CDH12: variants seen among roughly 807,000 people sequenced by gnomAD.
CDH12 encodes the protein cadherin-12.
In CDH12, 41 loss-of-function variants were observed where a neutral mutation model predicts 74.1. The observed-to-expected ratio is 0.55, with a 90% confidence interval of 0.43 to 0.72. CDH12 has a LOEUF of 0.72. Ranked by LOEUF, CDH12 falls within the 30% of genes least tolerant of loss-of-function variation. CDH12 has a pLI of 0.00. For synonymous variants in CDH12, 399 were observed against 355.0 expected, an observed-to-expected ratio of 1.12 and a Z score of -1.39; for missense variants, 945 against 977.2, an observed-to-expected ratio of 0.97 and a Z score of 0.44.
At chr5:21,802,598 T>TTTTTC (rs897632535) in intron 9 of CDH12, among the ~76,000 whole-genome samples, 178 bp from the exon 10 acceptor site, 1 of 144,766 alleles carries the variant, frequency 6.9e-6, no homozygotes, top group African/African-American at 2.5e-5. Context: ...TTTTTCTTTT[T>TTTTTC]TTTTTTTTTT....
At chr5:21,809,092 A>T (rs988045531) in intron 9 of CDH12, among the ~76,000 whole-genome samples, 7 of 152,120 alleles carry the variant, frequency 4.6e-5, no homozygotes, top group Non-Finnish European at 8.8e-5. Context: ...AAAACTATTT[A>T]TTAGAAATGC....
chr5:22,232,181 G>A (rs971385756), intron 3 of CDH12, among the ~76,000 whole-genome samples: 8 of 151,610 alleles, frequency 5.3e-5, no homozygotes, highest in Non-Finnish European at 1.2e-4. Flanking sequence ...CGTGTGCTTA[G>A]TTTGTATTTA....
intron 3 of CDH12, among the ~76,000 whole-genome samples, chr5:22,259,019 G>C (rs1186125756): frequency 6.6e-6 from 1 of 151,614 alleles, no homozygotes; most frequent in Admixed American, 6.6e-5. Flanking sequence ...TATTTAATTA[G>C]AATGATAGTT....
chr5:22,214,220 C>T (rs953403155), intron 3 of CDH12, among the ~76,000 whole-genome samples: 52 of 152,104 alleles, frequency 3.4e-4, no homozygotes, highest in Non-Finnish European at 5.6e-4. Flanking sequence ...AAAACGGAGA[C>T]GGCCCTGCAG....
At chr5:22,088,209 G>T (rs1324858872) in intron 4 of CDH12, among the ~76,000 whole-genome samples, 1 of 152,156 alleles carries the variant, frequency 6.6e-6, no homozygotes, top group Non-Finnish European at 1.5e-5. Flanking sequence ...AAAGTCTCTA[G>T]AAATGGTCTT....
At chr5:22,270,641 C>CTA (rs987546400) in intron 3 of CDH12, among the ~76,000 whole-genome samples, 3 of 150,866 alleles carry the variant, frequency 2.0e-5, no homozygotes, top group African/African-American at 7.3e-5. Flanking sequence ...ACACACACAT[C>CTA]TATATATATA....
At chr5:22,271,847 T>C (rs1341025512) in intron 3 of CDH12, among the ~76,000 whole-genome samples, 1 of 152,160 alleles carries the variant, frequency 6.6e-6, no homozygotes, top group African/African-American at 2.4e-5. Context: ...TTAGGTGAAC[T>C]GTGTTATAAA....
At chr5:22,698,773 A>G (rs1165563730) in intron 1 of CDH12, among the ~76,000 whole-genome samples, 1 of 133,764 alleles carries the variant, frequency 7.5e-6, no homozygotes, top group African/African-American at 2.8e-5. Context: ...TGTGTGTGAA[A>G]GAGAAAGAGA....
intron 6 of CDH12, among the ~76,000 whole-genome samples, chr5:21,908,483 A>C (rs1490681973): frequency 2.0e-5 from 3 of 152,166 alleles, no homozygotes; most frequent in African/African-American, 4.8e-5. Context: ...ATTTGTCTTC[A>C]TTCTGGGGTT....
chr5:21,905,947 G>A (rs1163043133), intron 6 of CDH12, among the ~76,000 whole-genome samples: 1 of 152,088 alleles, frequency 6.6e-6, no homozygotes, highest in East Asian at 1.9e-4. Flanking sequence ...CTAGAACAAT[G>A]TCTGGTTAAT....
At chr5:21,959,251 A>C (rs1162811375) in intron 6 of CDH12, among the ~76,000 whole-genome samples, 2 of 152,188 alleles carry the variant, frequency 1.3e-5, no homozygotes, top group Non-Finnish European at 2.9e-5. Context: ...AATAGGGATA[A>C]TTTTACTTCC....
chr5:21,995,850 G>A (rs1283719176), intron 5 of CDH12, among the ~76,000 whole-genome samples: 1 of 151,866 alleles, frequency 6.6e-6, no homozygotes, highest in African/African-American at 2.4e-5. Flanking sequence ...TGTATTTTTA[G>A]TTTAAAACAG....
chr5:22,701,328 T>C (rs997151219), intron 1 of CDH12, among the ~76,000 whole-genome samples: 1 of 152,076 alleles, frequency 6.6e-6, no homozygotes, highest in Middle Eastern at 3.2e-3. Flanking sequence ...ACCTGAATTA[T>C]CCTAATGTTC....
intron 1 of CDH12, among the ~76,000 whole-genome samples, chr5:22,633,060 C>T (rs1056167230): frequency 5.9e-5 from 9 of 152,004 alleles, no homozygotes; most frequent in African/African-American, 2.2e-4. Context: ...AAAACACACT[C>T]AAAGGGAATG....
intron 2 of CDH12, among the ~76,000 whole-genome samples, chr5:22,486,374 A>C (rs1561440232): frequency 6.6e-6 from 1 of 152,168 alleles, no homozygotes; most frequent in Non-Finnish European, 1.5e-5. Context: ...GTGATAATCT[A>C]AGTCAATACA....
At chr5:21,963,237 C>T (rs1325039432) in intron 6 of CDH12, among the ~76,000 whole-genome samples, 2 of 152,158 alleles carry the variant, frequency 1.3e-5, no homozygotes, top group East Asian at 3.9e-4. Context: ...TCCACTGATC[C>T]TGTCACCCAG....
chr5:22,654,220 GTTTC>G (rs1250426132), intron 1 of CDH12, among the ~76,000 whole-genome samples: 3 of 119,746 alleles, frequency 2.5e-5, no homozygotes, highest in Non-Finnish European at 5.5e-5. Context: ...CTTTCTTTTT[GTTTC>G]TTTGTTTCTT....
intron 5 of CDH12, among the ~76,000 whole-genome samples, chr5:22,030,628 T>C (rs924660295): frequency 1.6e-4 from 24 of 152,130 alleles, no homozygotes; most frequent in African/African-American, 5.8e-4. Context: ...GAAAGGAAAA[T>C]GTGCATTGGC....
At chr5:22,512,912 A>C (rs2126674265) in intron 1 of CDH12, among the ~76,000 whole-genome samples, 1 of 152,174 alleles carries the variant, frequency 6.6e-6, no homozygotes, top group African/African-American at 2.4e-5. Flanking sequence ...AAATACAAAA[A>C]GTTAGCTGGG....
Sources: allele counts gnomAD v4.1 joint callset (sites outside exome capture counted in the v4.1 genomes callset), GRCh38; gene constraint gnomAD v4.1.1; transcripts MANE v1.5; gene names NCBI Gene and HGNC (gene_info 2026-07-23, HGNC 2026-07-21).